Variants in SSBP2 observed in about 807,000 individuals in gnomAD.
The protein encoded by SSBP2 is single stranded DNA binding protein 2.
A neutral mutation model predicts 61.8 loss-of-function variants in SSBP2; 17 were observed. That is an observed-to-expected ratio of 0.28 (90% CI 0.19 to 0.41). The LOEUF is 0.41. SSBP2 is among the 10% of genes least tolerant of loss of function. The pLI is 1.00. For missense variants in SSBP2, 310 were observed against 458.7 expected (o/e 0.68, Z 2.96); for synonymous variants, 139 against 141.3 (o/e 0.98, Z 0.12).
chr5:81,715,927 G>C (rs1389774992), intron 1 of SSBP2, among the ~76,000 whole-genome samples: 1 of 152,010 alleles, frequency 6.6e-6, no homozygotes, highest in East Asian at 1.9e-4. Flanking sequence ...GCATGGTAGT[G>C]TGAGCCTGTA....
At position 81,549,988 on chromosome 5, in the gene SSBP2, C is replaced by T. The variant is rs1400200135; in HGVS notation, c.283-36271G>A. On this transcript the variant is annotated intron_variant, in intron 4 of 16. Coordinates refer to ENST00000320672, the MANE Select transcript of SSBP2 (RefSeq NM_012446.5). The stretch of plus-strand genomic sequence containing the variant: ...ATAGCAGTCTTCTTTTGAGAGGATG[C>T]TCTGTCCTCTCTCCTTTTTTTGTTA... 2.6e-4 allele frequency among the ~76,000 whole-genome samples: 40 copies of T among 152,130 alleles called. 1 individual carries two copies. Among genetic ancestry groups the T allele is most frequent in the Admixed American group, 2.4e-3 (37 of 15,282 alleles).
At chr5:81,580,920 A>G (rs1774593734) in intron 4 of SSBP2, among the ~76,000 whole-genome samples, 1 of 152,154 alleles carries the variant, frequency 6.6e-6, no homozygotes, top group Non-Finnish European at 1.5e-5. Flanking sequence ...AATTATGTTC[A>G]TTATGGAGGT....
chr5:81,627,279 A>G (rs1041428524), intron 3 of SSBP2, among the ~76,000 whole-genome samples: 10 of 151,928 alleles, frequency 6.6e-5, no homozygotes, highest in African/African-American at 2.2e-4. Flanking sequence ...TTTGTTCTCT[A>G]TGGCCTATGT....
At chr5:81,523,865 A>T (rs1769695987) in intron 4 of SSBP2, among the ~76,000 whole-genome samples, 1 of 152,042 alleles carries the variant, frequency 6.6e-6, no homozygotes. Context: ...ACCATAGTTT[A>T]AAGAGAAACA....
rs569946544 is a variant in SSBP2 at position 81,466,303 on chromosome 5, T to C, written c.638+671A>G. Among the ~76,000 whole-genome samples, 199 of 152,136 alleles carry C rather than the reference T, an allele frequency of 1.3e-3. 1 individual carries two copies. Among genetic ancestry groups the C allele is most frequent in the African/African-American group, 4.6e-3 (193 of 41,544 alleles). On this transcript the variant is annotated intron_variant, in intron 9 of 16. Coordinates refer to ENST00000320672, the MANE Select transcript of SSBP2 (RefSeq NM_012446.5). ...AATTTCCTAACAAACTACATTATAT[T>C]GGCTGATAGAAACAAACTACTCTCT...
chr5:81,639,382 A>C (rs918524524), intron 2 of SSBP2, among the ~76,000 whole-genome samples: 1 of 152,234 alleles, frequency 6.6e-6, no homozygotes, highest in African/African-American at 2.4e-5. Context: ...GTATTCATAC[A>C]GTGCCTTTTC....
intron 4 of SSBP2, among the ~76,000 whole-genome samples, chr5:81,600,333 C>T (rs561729937): frequency 9.9e-5 from 15 of 151,942 alleles, no homozygotes; most frequent in Admixed American, 5.2e-4. Context: ...GAGGCCAAGG[C>T]GGGCAGATCA....
At chr5:81,744,075 ACAGCCTAC>A (rs1757203322) in intron 1 of SSBP2, among the ~76,000 whole-genome samples, 1 of 152,228 alleles carries the variant, frequency 6.6e-6, no homozygotes, top group African/African-American at 2.4e-5. Flanking sequence ...AACAGTACCT[ACAGCCTAC>A]TGGATTTGAG....
chr5:81,580,298 T>C (rs1774545334), intron 4 of SSBP2, among the ~76,000 whole-genome samples: 1 of 152,026 alleles, frequency 6.6e-6, no homozygotes, highest in Non-Finnish European at 1.5e-5. Context: ...GGTATTGACC[T>C]GTTTGAGAAA....
At chr5:81,715,321 A>C (rs1755103024) in intron 1 of SSBP2, among the ~76,000 whole-genome samples, 1 of 152,226 alleles carries the variant, frequency 6.6e-6, no homozygotes, top group African/African-American at 2.4e-5. Flanking sequence ...AAATCAAGCA[A>C]CAGGGGATCC....
rs1193358094 is a variant in SSBP2, at chr5:81,716,038, C to CA, written c.62+34942dup. Among the ~76,000 whole-genome samples, 3 of 150,432 alleles carry CA rather than the reference C, an allele frequency of 2.0e-5. No individual in the cohort carries two copies. The East Asian group carries it at 5.9e-4, about 29-fold the overall frequency. On this transcript the variant is annotated intron_variant, in intron 1 of 16. Coordinates refer to ENST00000320672, the MANE Select transcript of SSBP2 (RefSeq NM_012446.5). ...CACCACTGCACTTCAGCCTGGGTGA[C>CA]AGAGTGAGACCCTGTCTCAAAAACA...
chr5:81,720,512 T>C (rs569535065), intron 1 of SSBP2, among the ~76,000 whole-genome samples: 8 of 152,288 alleles, frequency 5.3e-5, no homozygotes, highest in Admixed American at 5.2e-4. Context: ...GCTTTTCAAG[T>C]TATACTATTA....
chr5:81,470,571 A>ATTTC (rs1188237120), intron 8 of SSBP2, among the ~76,000 whole-genome samples: 1 of 151,848 alleles, frequency 6.6e-6, no homozygotes, highest in Non-Finnish European at 1.5e-5. Context: ...AGATTTACAT[A>ATTTC]TTTCTTTGTT....
intron 1 of SSBP2, among the ~76,000 whole-genome samples, chr5:81,679,279 G>C (rs1752214948): frequency 6.6e-6 from 1 of 152,206 alleles, no homozygotes; most frequent in South Asian, 2.1e-4. Flanking sequence ...AAAGTGCTGG[G>C]ATTACAGGCA....
At chr5:81,744,567 A>C (rs1757229214) in intron 1 of SSBP2, among the ~76,000 whole-genome samples, 1 of 152,096 alleles carries the variant, frequency 6.6e-6, no homozygotes, top group Non-Finnish European at 1.5e-5. Flanking sequence ...CGTAATTACA[A>C]CCATACTCTT....
At chr5:81,495,372 T>C (rs1313561338) in intron 5 of SSBP2, among the ~76,000 whole-genome samples, 1 of 152,178 alleles carries the variant, frequency 6.6e-6, no homozygotes, top group Non-Finnish European at 1.5e-5. Context: ...GTCAATAGAA[T>C]CTAAAAATTC....
intron 1 of SSBP2, among the ~76,000 whole-genome samples, chr5:81,721,196 T>C (rs1349640030): frequency 6.6e-6 from 1 of 152,108 alleles, no homozygotes; most frequent in Middle Eastern, 3.2e-3. Flanking sequence ...GATGTTTAGT[T>C]ACAGCATCTG....
intron 1 of SSBP2, among the ~76,000 whole-genome samples, chr5:81,724,744 C>T (rs1402962329): frequency 6.6e-6 from 1 of 152,006 alleles, no homozygotes; most frequent in Admixed American, 6.6e-5. Context: ...CTTCAGACCA[C>T]AAAAACACAA....
At chr5:81,530,069 G>A (rs1770276991) in intron 4 of SSBP2, among the ~76,000 whole-genome samples, 1 of 151,972 alleles carries the variant, frequency 6.6e-6, no homozygotes, top group South Asian at 2.1e-4. Flanking sequence ...TAAGAGAAAT[G>A]ATCAAGCCGG....
Sources: gnomAD v4.1 joint callset for allele counts (sites outside exome capture counted in the v4.1 genomes callset) on GRCh38, gnomAD v4.1.1 for gene constraint, MANE v1.5 for transcripts, NCBI Gene and HGNC (gene_info 2026-07-23, HGNC 2026-07-21) for gene names.